LMAN2L: variants seen among roughly 807,000 people sequenced by gnomAD.
LMAN2L encodes VIP36-like protein.
Under a neutral mutation model 44.3 loss-of-function variants are expected in LMAN2L, and 30 were observed. That is an observed-to-expected ratio of 0.68 (90% CI 0.51 to 0.92). LMAN2L has a LOEUF of 0.92. LMAN2L is among the 40% of genes least tolerant of loss of function. The probability of loss-of-function intolerance (pLI) is 0.00; values close to 1 mark genes in which losing one functional copy is unlikely to be tolerated. For synonymous variants in LMAN2L, 183 were observed against 171.1 expected (o/e 1.07, Z -0.54); for missense variants, 429 against 446.1 (o/e 0.96, Z 0.35).
Position 96,737,982 on chromosome 2 carries a change from C to T in LMAN2L, c.273G>A (p.Met91Ile). The change falls in exon 2 of 8, where the codon ATG (methionine) becomes ATA (isoleucine). Residue 91 changes from methionine to isoleucine, a missense_variant. By Grantham distance (10) the Met-to-Ile change is conservative. Transcript: ENST00000264963. The part of the protein sequence containing the change: ...MTQYIRLTPD[M>I]QSKQGALWNR... ...TCCACAAGGCACCCTGTTTACTTTG[C>T]ATATCTGGGGTAAGGCGGATATACT... 6.2e-7 allele frequency: 1 copy of T among 1,613,800 alleles called. No homozygotes were observed. Among genetic ancestry groups the T allele is most frequent in the Non-Finnish European group, 8.5e-7 (1 of 1,179,694 alleles).
chr2:96,725,258 C>T (rs1049113328), intron 4 of LMAN2L, among the ~76,000 whole-genome samples: 2 of 152,062 alleles, frequency 1.3e-5, no homozygotes, highest in South Asian at 2.1e-4. Context: ...TGAGCCACCA[C>T]GCCTGGCCTA....
intron 4 of LMAN2L, among the ~76,000 whole-genome samples, chr2:96,732,968 C>T (rs1208168047): frequency 3.3e-5 from 5 of 152,056 alleles, no homozygotes; most frequent in East Asian, 3.9e-4. Context: ...AAGCTGGTCT[C>T]GAACTCCTGA....
chr2:96,739,947 AAAG>A lies in LMAN2L; in HGVS notation c.91_93del (p.Leu33del), dbSNP rs760036530. The A allele has an allele frequency of 7.4e-6, 12 of 1,613,852 alleles. No homozygotes were observed. The highest frequency in any genetic ancestry group is 1.3e-5 in the African/African-American group (1 of 74,880). The stretch of plus-strand genomic sequence containing the variant: ...TGTGGCCCCTGCCCAGACCCCAACA[AAAG>A]AAGAAGGAGTAACATCCTGGACCCA... On this transcript the variant is annotated inframe_deletion, in exon 1 of 8. Coordinates refer to ENST00000264963, the MANE Select transcript of LMAN2L (RefSeq NM_030805.4).
chr2:96,737,421 AG>A (rs2078538623), intron 2 of LMAN2L, among the ~76,000 whole-genome samples: 1 of 152,242 alleles, frequency 6.6e-6, no homozygotes, highest in African/African-American at 2.4e-5. Context: ...AGGCCAAGGC[AG>A]GAGGATTGTT....
intron 4 of LMAN2L, 141 bp from the exon 5 acceptor site, chr2:96,712,166 CCT>C (rs1431567941): frequency 8.1e-5 from 60 of 741,246 alleles, no homozygotes; most frequent in Admixed American, 1.0e-4. Flanking sequence ...GTCAGCAGCC[CCT>C]GAGAGCCCAC....
chr2:96,713,131 C>T, intron 4 of LMAN2L: 6 of 1,551,428 alleles, frequency 3.9e-6, no homozygotes, highest in Non-Finnish European at 5.2e-6. Context: ...AATATCGCCT[C>T]TTCTGGGCCT....
chr2:96,731,347 C>T (rs1244589053), intron 4 of LMAN2L, among the ~76,000 whole-genome samples: 1 of 152,144 alleles, frequency 6.6e-6, no homozygotes, highest in African/African-American at 2.4e-5. Context: ...TCTCACATTC[C>T]ACCACCTTTA....
intron 4 of LMAN2L, among the ~76,000 whole-genome samples, chr2:96,713,839 C>T (rs989475505): frequency 6.6e-6 from 1 of 152,200 alleles, no homozygotes; most frequent in East Asian, 1.9e-4. Flanking sequence ...AATCATCAGG[C>T]GTGAGGGTAT....
intron 4 of LMAN2L, among the ~76,000 whole-genome samples, chr2:96,723,747 T>A (rs2078208203): frequency 6.6e-6 from 1 of 152,216 alleles, no homozygotes; most frequent in Non-Finnish European, 1.5e-5. Flanking sequence ...CGTGGATAAC[T>A]AGTTGTTGAA....
rs1184989826 is a variant in LMAN2L at position 96,713,254 on chromosome 2, AC to A, written c.508-1230del. The A allele has an allele frequency of 1.2e-5, 10 of 827,138 alleles. No homozygotes were observed. The South Asian group carries it at 1.7e-4, about 14-fold the overall frequency. The allele number at this position is 827,138 out of a possible 1,614,324, so 51.2% of individuals were successfully genotyped here. A position where few individuals can be genotyped will look rare whatever the true frequency, so the allele number is the denominator to read the frequency against. On this transcript the variant is annotated intron_variant, in intron 4 of 7. Transcript: ENST00000264963. ...TGACCCAGCTGTGATGGATGAACAAACCAACTTAAATCCCCAAACAGAATTT... is the reference window on the plus strand; with the variant it reads ...TGACCCAGCTGTGATGGATGAACAAACAACTTAAATCCCCAAACAGAATTT...
Position 96,738,418 on chromosome 2 carries a change from C to T in LMAN2L, c.188-351G>A, listed in dbSNP as rs943864733. 3.9e-5 allele frequency among the ~76,000 whole-genome samples: 6 copies of T among 152,150 alleles called. No homozygotes were observed. The South Asian group carries it at 1.2e-3, about 32-fold the overall frequency. On this transcript the variant is annotated intron_variant, in intron 1 of 7. Transcript: ENST00000264963. Reference sequence around the variant, plus strand: ...GACAGGCCAGGTGCAGTGGCTCACCCATGTAATCCCCACACTTTGAGATGA... The same window carrying T: ...GACAGGCCAGGTGCAGTGGCTCACCTATGTAATCCCCACACTTTGAGATGA...
rs1397640787 is a variant in LMAN2L at position 96,707,733 on chromosome 2, G to C, written c.885C>G (p.Asp295Glu). The change falls in exon 7 of 8, where the codon GAC (aspartate) becomes GAG (glutamate). Residue 295 changes from aspartate (D) to glutamate (E), a missense_variant. Transcript: ENST00000264963. The stretch of plus-strand genomic sequence containing the variant: ...GCTCACTCTCAGGCAGCTTCATATT[G>C]TCCACTGAGGGCAAGAACACATCTC... ...LHRDVFLPSV[D>E]NMKLPEMTAP... The C allele has an allele frequency of 5.6e-6, 9 of 1,613,918 alleles. No individual in the cohort carries two copies. The Admixed American group carries it at 1.5e-4, about 27-fold the overall frequency.
At chr2:96,725,079 C>G (rs2078240659) in intron 4 of LMAN2L, among the ~76,000 whole-genome samples, 1 of 152,062 alleles carries the variant, frequency 6.6e-6, no homozygotes, top group Non-Finnish European at 1.5e-5. Context: ...GATCCGCCTG[C>G]CTCAGCCTCC....
At chr2:96,713,089 G>C in intron 4 of LMAN2L, 1 of 1,549,190 alleles carries the variant, frequency 6.5e-7, no homozygotes, top group Non-Finnish European at 8.7e-7. Flanking sequence ...TGCTCATGAT[G>C]AGCCAAGAAC....
intron 4 of LMAN2L, among the ~76,000 whole-genome samples, chr2:96,723,874 A>C (rs1471943224): frequency 6.6e-6 from 1 of 152,074 alleles, no homozygotes; most frequent in Non-Finnish European, 1.5e-5. Context: ...GGATCACGAG[A>C]TCAGGAGATC....
chr2:96,724,498 A>G (rs1387042319), intron 4 of LMAN2L, among the ~76,000 whole-genome samples: 5 of 152,072 alleles, frequency 3.3e-5, no homozygotes, highest in Admixed American at 1.3e-4. Context: ...TTCCTCCAAT[A>G]ATTTTTTTTA....
chr2:96,706,344 A>C lies in LMAN2L; in HGVS notation c.*912T>G, dbSNP rs1209674364. On this transcript the variant is annotated 3_prime_UTR_variant, in exon 8 of 8. Coordinates refer to ENST00000264963, the MANE Select transcript of LMAN2L (RefSeq NM_030805.4). ...AATCGTAACTACAAAACATGCAGCT[A>C]AGCAGGCTCTAGCAAGTCCAGAAAC... 1 of 152,256 alleles carries C rather than the reference A, an allele frequency of 6.6e-6. No individual in the cohort carries two copies. Among genetic ancestry groups the C allele is most frequent in the African/African-American group, 2.4e-5 (1 of 41,476 alleles). The allele number at this position is 152,256 out of a possible 1,614,324, so 9.4% of individuals were successfully genotyped here.
chr2:96,734,640 G>C (rs2078476804), intron 2 of LMAN2L, 114 bp from the exon 3 acceptor site: 1 of 693,426 alleles, frequency 1.4e-6, no homozygotes, highest in Admixed American at 2.3e-5. Context: ...ACTAGACTAA[G>C]GGTTAAAACT....
At chr2:96,735,521 T>C (rs1043856290) in intron 2 of LMAN2L, among the ~76,000 whole-genome samples, 5 of 152,234 alleles carry the variant, frequency 3.3e-5, no homozygotes, top group Admixed American at 6.5e-5. Context: ...TCTGGATTCT[T>C]ATCTCTCTGC....
Sources: gnomAD v4.1 joint callset for allele counts (sites outside exome capture counted in the v4.1 genomes callset) on GRCh38, gnomAD v4.1.1 for gene constraint, MANE v1.5 for transcripts, NCBI Gene and HGNC (gene_info 2026-07-23, HGNC 2026-07-21) for gene names.